The following SNED1 variants were observed in gnomAD, a reference collection of about 807,000 sequenced individuals.
SNED1 encodes sushi, nidogen and EGF-like domain-containing protein 1.
In SNED1, 81 loss-of-function variants were observed where a neutral mutation model predicts 166.7. The observed-to-expected ratio is 0.49, with a 90% CI of 0.41 to 0.58. The LOEUF (loss-of-function observed/expected upper bound fraction) is 0.58, where lower values mean the gene tolerates loss of function less well. Among genes scored for constraint, SNED1 ranks in the 20% least tolerant of loss-of-function variants. SNED1 has a pLI of 0.00. For synonymous variants in SNED1, 762 were observed against 822.0 expected, an observed-to-expected ratio of 0.93 and a Z score of 1.25; for missense variants, 1,604 against 2,000.2, an observed-to-expected ratio of 0.80 and a Z score of 3.78.
At position 241,063,638 on chromosome 2, in the gene SNED1, A is replaced by G. The variant is rs545377326; in HGVS notation, c.2423A>G (p.Asn808Ser). The G allele has an allele frequency of 2.5e-6, 4 of 1,611,638 alleles. No homozygotes were observed. Among genetic ancestry groups the G allele is most frequent in the Admixed American group, 1.7e-5 (1 of 59,800 alleles). Residue 808 changes from asparagine (N) to serine (S), a missense_variant, in exon 18 of 32, where the codon AAC (asparagine) becomes AGC (serine). Physicochemically the swap from Asn to Ser is conservative, Grantham distance 46 (BLOSUM62 1). This residue lies in a region of SNED1 where 1,237 missense variants were observed against 1,620.8 expected (regional missense o/e 0.76). Transcript: ENST00000310397. Reference sequence around the variant, plus strand: ...TGCAGAAATGGAGGGTCCTGCAGGAACCTCCCAGGGGCCTATGTCTGCCGG... The same window carrying G: ...TGCAGAAATGGAGGGTCCTGCAGGAGCCTCCCAGGGGCCTATGTCTGCCGG... ...HPCRNGGSCR[N>S]LPGAYVCRCP...
Position 241,018,225 on chromosome 2 carries a change from A to G in SNED1, c.214-12059A>G, listed in dbSNP as rs2060659186. On this transcript the variant is annotated intron_variant, in intron 1 of 31. Coordinates refer to ENST00000310397, the MANE Select transcript of SNED1 (RefSeq NM_001080437.3). The surrounding 1 kb of genome is among the most constrained non-coding windows in gnomAD (Gnocchi z 5.4). Reference sequence around the variant, plus strand: ...CAGCTTTGGTCACCATACACGACGTAACCCACAGGCGCTCAGATGACGGGG... The same window carrying G: ...CAGCTTTGGTCACCATACACGACGTGACCCACAGGCGCTCAGATGACGGGG... Among the ~76,000 whole-genome samples the G allele has an allele frequency of 6.6e-6, 1 of 152,244 alleles. No homozygotes were observed.
At chr2:240,997,844 C>G (rs144165172), upstream of SNED1, among the ~76,000 whole-genome samples, 1 of 152,268 alleles carries the variant, frequency 6.6e-6, no homozygotes, top group African/African-American at 2.4e-5. Flanking sequence ...GAGGTGGTCC[C>G]GGCTGAGGCC....
intron 18 of SNED1, 57 bp from the exon 19 acceptor site, chr2:241,063,955 C>G: frequency 7.8e-7 from 1 of 1,289,950 alleles, no homozygotes; most frequent in Non-Finnish European, 1.1e-6. Flanking sequence ...CTGTCCTCTC[C>G]TCCCTCCCCC....
chr2:241,053,058 C>T, intron 15 of SNED1, 95 bp from the exon 16 acceptor site: 1 of 1,220,156 alleles, frequency 8.2e-7, no homozygotes, highest in Non-Finnish European at 1.1e-6. Context: ...AGCAGGACAT[C>T]CCTGGGCCCT....
intron 3 of SNED1, 29 bp from the exon 4 acceptor site, chr2:241,034,539 C>G (rs994430057): frequency 6.4e-7 from 1 of 1,561,808 alleles, no homozygotes; most frequent in South Asian, 1.2e-5. Context: ...GAACTGGCCT[C>G]CCTCACTCTG....
intron 17 of SNED1, 80 bp from the exon 18 acceptor site, chr2:241,063,507 G>A (rs1474018415): frequency 5.5e-6 from 5 of 916,506 alleles, no homozygotes; most frequent in Non-Finnish European, 7.1e-6. Context: ...TGAAGCCCCA[G>A]GAAATGCACG....
Position 241,064,902 on chromosome 2 carries a change from C to G in SNED1, c.2658C>G (p.Asn886Lys). 1 of 1,584,134 alleles carries G rather than the reference C, an allele frequency of 6.3e-7. No homozygotes were observed. The highest frequency in any genetic ancestry group is 1.2e-5 in the South Asian group (1 of 86,430). ...GCCGTGGCTATTGCCTGGCCAGCAA[C>G]GGCTCCCACAGCTGCACCTGCAAAG... ...CGGRGYCLAS[N>K]GSHSCTCKVG... Residue 886 changes from asparagine to lysine, a missense_variant, in exon 20 of 32, where the codon AAC (asparagine) becomes AAG (lysine). Asn to Lys is a moderately conservative substitution (Grantham distance 94). Around this residue, in one of 2 missense-constraint regions of SNED1, gnomAD observed 1,237 missense variants for 1,620.8 expected, o/e 0.76. Transcript: ENST00000310397. The surrounding 1 kb of genome is among the most constrained non-coding windows in gnomAD (Gnocchi z 7.0).
intron 31 of SNED1, chr2:241,090,004 G>A: frequency 6.5e-7 from 1 of 1,549,302 alleles, no homozygotes. Flanking sequence ...TAGCGTAGCT[G>A]GAATGCGCAG....
chr2:241,013,587 G>A lies in SNED1; in HGVS notation c.213+14537G>A, dbSNP rs1249155031. On this transcript the variant is annotated intron_variant, in intron 1 of 31. Coordinates refer to ENST00000310397, the MANE Select transcript of SNED1 (RefSeq NM_001080437.3). This position sits in a 1 kb window ranked among gnomAD's most constrained non-coding sequence, Gnocchi z 4.6. Reference sequence around the variant, plus strand: ...ACTCCTGGCCTCAAGAGATCCTCCTGCCTCAGCCTCCCAAAGTGCTGGGGG... The same window carrying A: ...ACTCCTGGCCTCAAGAGATCCTCCTACCTCAGCCTCCCAAAGTGCTGGGGG... 4.6e-5 allele frequency among the ~76,000 whole-genome samples: 7 copies of A among 151,992 alleles called. No individual in the cohort carries two copies. The highest frequency in any genetic ancestry group is 8.8e-5 in the Non-Finnish European group (6 of 67,974).
chr2:241,053,018 G>A, intron 15 of SNED1, 135 bp from the exon 16 acceptor site: 1 of 807,590 alleles, frequency 1.2e-6, no homozygotes, highest in Admixed American at 2.7e-5. Context: ...AGAAGTCGAG[G>A]CACCTTTCCC....
chr2:241,032,205 C>T (rs147277877), intron 2 of SNED1, among the ~76,000 whole-genome samples: 57 of 152,164 alleles, frequency 3.7e-4, no homozygotes, highest in Middle Eastern at 3.4e-3. Flanking sequence ...CCGAAGTCAG[C>T]CGGGTGTGAT....
intron 16 of SNED1, among the ~76,000 whole-genome samples, chr2:241,055,933 C>G (rs2062027310): frequency 6.6e-6 from 1 of 152,218 alleles, no homozygotes; most frequent in Non-Finnish European, 1.5e-5. Flanking sequence ...CTAATGATAT[C>G]ACAGGTCAGC....
chr2:241,064,894 G>T lies in SNED1; in HGVS notation c.2650G>T (p.Ala884Ser), dbSNP rs779526921. 1 of 1,584,656 alleles carries T rather than the reference G, an allele frequency of 6.3e-7. No homozygotes were observed. Among genetic ancestry groups the T allele is most frequent in the Middle Eastern group, 1.7e-4 (1 of 5,958 alleles). ...CTGTGGGGGCCGTGGCTATTGCCTG[G>T]CCAGCAACGGCTCCCACAGCTGCAC... ...SPCGGRGYCL[A>S]SNGSHSCTCK... is the part of the protein sequence containing the mutation. Residue 884 changes from alanine to serine, a missense_variant, in exon 20 of 32, where the codon GCC (alanine) becomes TCC (serine). By Grantham distance (99) the Ala-to-Ser change is moderately conservative. Coordinates refer to ENST00000310397, the MANE Select transcript of SNED1 (RefSeq NM_001080437.3). The surrounding 1 kb of genome is among the most constrained non-coding windows in gnomAD (Gnocchi z 7.0).
At chr2:241,088,469 C>T in intron 31 of SNED1, 67 bp downstream of exon 31, 1 of 1,313,944 alleles carries the variant, frequency 7.6e-7, no homozygotes, top group Non-Finnish European at 1.1e-6. Flanking sequence ...ACTGCCCAGC[C>T]CCGGGATCTC....
rs547590748 is a variant in SNED1 at position 241,064,626 on chromosome 2, G to A, written c.2600-218G>A. ...AGTGTCTCCTCCCCTCAGCCAGTCC[G>A]GCTGGTGGCACTCCGCTGTGGAGGG... On this transcript the variant is annotated intron_variant, in intron 19 of 31. Coordinates refer to ENST00000310397, the MANE Select transcript of SNED1 (RefSeq NM_001080437.3). This position sits in a 1 kb window ranked among gnomAD's most constrained non-coding sequence, Gnocchi z 7.0. Among the ~76,000 whole-genome samples the A allele has an allele frequency of 5.3e-5, 8 of 152,298 alleles. No homozygotes were observed. In the South Asian group the frequency reaches 8.3e-4, roughly 16 times the overall value.
At chr2:241,032,422 C>G (rs2061208640) in intron 2 of SNED1, among the ~76,000 whole-genome samples, 1 of 150,702 alleles carries the variant, frequency 6.6e-6, no homozygotes, top group Non-Finnish European at 1.5e-5. Flanking sequence ...TTGTTCAGTT[C>G]CCACCTATGA....
intron 29 of SNED1, among the ~76,000 whole-genome samples, chr2:241,084,235 C>T (rs887382872): frequency 2.7e-5 from 4 of 149,830 alleles, no homozygotes; most frequent in Non-Finnish European, 4.4e-5. Context: ...CTCCTGGGTT[C>T]AAGCAATTCT....
chr2:241,042,909 AAGG>A (rs564118469), intron 8 of SNED1, among the ~76,000 whole-genome samples: 9 of 152,336 alleles, frequency 5.9e-5, no homozygotes, highest in African/African-American at 2.2e-4. Context: ...GGAGTCTGCG[AAGG>A]AGGATGGAGA....
At chr2:241,058,716 C>T (rs10199942) in intron 16 of SNED1, among the ~76,000 whole-genome samples, 3,385 of 152,150 alleles carry the variant, frequency 0.022, 94 homozygotes, top group African/African-American at 0.071. Flanking sequence ...TTTAGGAGGC[C>T]GAGGCAGGCA....
Sources: gnomAD v4.1 joint callset for allele counts (sites outside exome capture counted in the v4.1 genomes callset) on GRCh38, gnomAD v4.1.1 for gene constraint, gnomAD v4.1.1 regional missense constraint, Gnocchi (gnomAD v3.1) non-coding constraint, MANE v1.5 for transcripts, NCBI Gene and HGNC (gene_info 2026-07-23, HGNC 2026-07-21) for gene names.